Variants in MGAT5 observed in about 807,000 individuals in gnomAD.
The protein encoded by MGAT5 is alpha-1,6-mannosylglycoprotein 6-beta-N-acetylglucosaminyltransferase A.
A neutral mutation model predicts 94.3 loss-of-function variants in MGAT5; 30 were observed. The observed-to-expected ratio is 0.32, with a 90% CI of 0.24 to 0.43. MGAT5 has a LOEUF of 0.43. Ranked by LOEUF, MGAT5 falls within the 20% of genes least tolerant of loss-of-function variation. The pLI, the probability that MGAT5 is intolerant of heterozygous loss-of-function variation, is 1.00. For synonymous variants in MGAT5, 310 were observed against 322.9 expected, an observed-to-expected ratio of 0.96 and a Z score of 0.43; for missense variants, 691 against 905.5, an observed-to-expected ratio of 0.76 and a Z score of 3.04.
intron 1 of MGAT5, among the ~76,000 whole-genome samples, chr2:134,134,880 A>G (rs1686335908): frequency 6.6e-6 from 1 of 152,270 alleles, no homozygotes. Context: ...GTATAAGCAA[A>G]TAATCGTTGC....
chr2:134,364,819 T>A (rs1680323297), intron 10 of MGAT5, among the ~76,000 whole-genome samples: 1 of 152,344 alleles, frequency 6.6e-6, no homozygotes, highest in Admixed American at 6.5e-5. Context: ...TCTCCAACTC[T>A]AGAACACGGC....
intron 1 of MGAT5, among the ~76,000 whole-genome samples, chr2:134,196,579 T>G (rs1679505765): frequency 6.6e-6 from 1 of 152,278 alleles, no homozygotes; most frequent in African/African-American, 2.4e-5. Context: ...AAAATTGTTT[T>G]CCCATAAGGT....
chr2:134,350,625 A>G (rs1050133884), intron 9 of MGAT5, among the ~76,000 whole-genome samples: 6 of 152,026 alleles, frequency 3.9e-5, no homozygotes, highest in Non-Finnish European at 8.8e-5. Flanking sequence ...CACTTTTACC[A>G]TTTCTTCCTG....
At chr2:134,277,528 G>T (rs1156642484) in intron 2 of MGAT5, among the ~76,000 whole-genome samples, 1 of 152,122 alleles carries the variant, frequency 6.6e-6, no homozygotes, top group African/African-American at 2.4e-5. Context: ...GAGGGAAACT[G>T]CCCCCATAAT....
chr2:134,321,917 T>G (rs1241958917), intron 4 of MGAT5, among the ~76,000 whole-genome samples: 1 of 152,188 alleles, frequency 6.6e-6, no homozygotes. Flanking sequence ...ACCCTGAACC[T>G]CAGGGCTTTT....
intron 10 of MGAT5, among the ~76,000 whole-genome samples, chr2:134,399,131 A>T (rs1682884995): frequency 6.6e-6 from 1 of 152,204 alleles, no homozygotes; most frequent in African/African-American, 2.4e-5. Context: ...CCCTGATTTG[A>T]TCATCACATG....
rs796650487 is a variant in MGAT5 at position 134,421,667 on chromosome 2, ATTC to A, written c.1678-1132_1678-1130del. ...TTGAAAGTTTCGTGGGCAGTGGACA[ATTC>A]TTCCTGTGCAGGACTGTCCTTGGAC... On this transcript the variant is annotated intron_variant, in intron 12 of 15. Transcript: ENST00000281923. Among the ~76,000 whole-genome samples, 93 of 152,296 alleles carry A rather than the reference ATTC, an allele frequency of 6.1e-4. 1 individual carries two copies. Among genetic ancestry groups the A allele is most frequent in the African/African-American group, 2.2e-3 (91 of 41,578 alleles).
At chr2:134,236,389 A>G (rs940628669) in intron 1 of MGAT5, among the ~76,000 whole-genome samples, 50 of 152,270 alleles carry the variant, frequency 3.3e-4, no homozygotes, top group African/African-American at 1.2e-3. Flanking sequence ...AGTCTCTGAT[A>G]TGGTTTGGCT....
intron 4 of MGAT5, among the ~76,000 whole-genome samples, chr2:134,325,149 T>A (rs963234298): frequency 6.6e-6 from 1 of 152,030 alleles, no homozygotes; most frequent in Non-Finnish European, 1.5e-5. Context: ...ACCACAACAT[T>A]TATATTTAGA....
intron 1 of MGAT5, among the ~76,000 whole-genome samples, chr2:134,229,865 C>T (rs1048218196): frequency 2.0e-5 from 3 of 152,136 alleles, no homozygotes; most frequent in African/African-American, 7.2e-5. Context: ...AGGATCTGAA[C>T]AGATATTTCC....
Position 134,271,660 on chromosome 2 carries a change from T to C in MGAT5, c.406+1110T>C, listed in dbSNP as rs187890981. 3.5e-4 allele frequency among the ~76,000 whole-genome samples: 53 copies of C among 152,336 alleles called. 1 individual carries two copies. In the East Asian group the frequency reaches 9.3e-3, roughly 27 times the overall value. ...TTACCTTTTTTAATGTTCTTTGCCC[T>C]TTAGCAAATTTTAAATTGCAAAATA... On this transcript the variant is annotated intron_variant, in intron 2 of 15. Coordinates refer to ENST00000281923, the MANE Select transcript of MGAT5 (RefSeq NM_002410.5).
intron 1 of MGAT5, among the ~76,000 whole-genome samples, chr2:134,192,120 G>T (rs1486540946): frequency 1.3e-5 from 2 of 150,016 alleles, no homozygotes; most frequent in African/African-American, 4.9e-5. Flanking sequence ...GCGCGAGCGG[G>T]TTCCTGATGG....
intron 1 of MGAT5, among the ~76,000 whole-genome samples, chr2:134,240,357 G>GTTTTTTTTTTTT (rs11316083): frequency 6.8e-6 from 1 of 146,772 alleles, no homozygotes; most frequent in East Asian, 2.1e-4. Flanking sequence ...AAATGAAAGT[G>GTTTTTTTTTTTT]TTTTTTTTTT....
At chr2:134,400,365 G>C (rs1429493777) in intron 10 of MGAT5, among the ~76,000 whole-genome samples, 1 of 152,124 alleles carries the variant, frequency 6.6e-6, no homozygotes, top group African/African-American at 2.4e-5. Context: ...CCTCTAATCA[G>C]CTGTTGGGAT....
intron 1 of MGAT5, among the ~76,000 whole-genome samples, chr2:134,144,725 T>C (rs572115687): frequency 6.6e-6 from 1 of 152,322 alleles, no homozygotes; most frequent in East Asian, 1.9e-4. Flanking sequence ...AATTTTAAAA[T>C]AAGTCATATA....
chr2:134,381,528 C>CAGATAGATAGAT (rs1191609656), intron 10 of MGAT5, among the ~76,000 whole-genome samples: 3 of 36,964 alleles, frequency 8.1e-5, no homozygotes, highest in East Asian at 2.5e-3. Context: ...GACAGACAGA[C>CAGATAGATAGAT]AGACAGACAG....
intron 12 of MGAT5, among the ~76,000 whole-genome samples, chr2:134,414,987 A>G (rs1418896667): frequency 1.3e-5 from 2 of 152,196 alleles, no homozygotes; most frequent in Admixed American, 1.3e-4. Context: ...AATATTTCAT[A>G]TACACATAAT....
rs79753213 is a variant in MGAT5 at position 134,405,003 on chromosome 2, G to C, written c.1530+1866G>C. 6.7e-3 allele frequency among the ~76,000 whole-genome samples: 1,014 copies of C among 152,306 alleles called. 8 individuals carry two copies. Among genetic ancestry groups the C allele is most frequent in the African/African-American group, 0.024 (985 of 41,564 alleles). On this transcript the variant is annotated intron_variant, in intron 11 of 15. Coordinates refer to ENST00000281923, the MANE Select transcript of MGAT5 (RefSeq NM_002410.5). ...CTCAAGCTCCTTTAAAAAACACTTG[G>C]CAGAGCTGGTTTTCAGCAGTGTGTC...
intron 2 of MGAT5, among the ~76,000 whole-genome samples, chr2:134,285,303 CTT>C (rs1684938478): frequency 6.6e-6 from 1 of 151,804 alleles, no homozygotes; most frequent in African/African-American, 2.4e-5. Context: ...TAATTGTACT[CTT>C]TGTTTTAAAG....
Sources: allele counts gnomAD v4.1 joint callset (sites outside exome capture counted in the v4.1 genomes callset), GRCh38; gene constraint gnomAD v4.1.1; transcripts MANE v1.5; gene names NCBI Gene and HGNC (gene_info 2026-07-23, HGNC 2026-07-21).